The following SETBP1 variants were observed in gnomAD, a reference collection of about 807,000 sequenced individuals.
The protein encoded by SETBP1 is SET binding protein 1.
SETBP1 carries 9 observed loss-of-function variants against 101.0 expected under a neutral mutation model. That is an observed-to-expected ratio of 0.09 (90% CI 0.05 to 0.16). SETBP1 has a LOEUF of 0.16. Ranked by LOEUF, SETBP1 falls within the 10% of genes least tolerant of loss-of-function variation. The pLI is 1.00. For missense variants in SETBP1, 1,858 were observed against 2,033.8 expected (o/e 0.91, Z 1.66); for synonymous variants, 818 against 788.5 (o/e 1.04, Z -0.63).
chr18:44,873,923 G>T (rs532406157), intron 3 of SETBP1, among the ~76,000 whole-genome samples: 64 of 152,248 alleles, frequency 4.2e-4, no homozygotes, highest in African/African-American at 1.5e-3. Flanking sequence ...GCTAATTTCT[G>T]TTGTGTAAAT....
chr18:44,686,285 G>C (rs925487583), intron 1 of SETBP1, among the ~76,000 whole-genome samples: 1 of 152,222 alleles, frequency 6.6e-6, no homozygotes, highest in Non-Finnish European at 1.5e-5. Context: ...CAGTGTTCTC[G>C]AGTGAACCCC....
intron 2 of SETBP1, among the ~76,000 whole-genome samples, chr18:44,789,957 T>C (rs564713500): frequency 1.2e-4 from 18 of 152,320 alleles, no homozygotes; most frequent in African/African-American, 4.3e-4. Flanking sequence ...AGCTGTGTGA[T>C]CCAATTCACT....
At chr18:44,736,389 A>G (rs10502842) in intron 2 of SETBP1, among the ~76,000 whole-genome samples, 46,056 of 152,080 alleles carry the variant, frequency 0.3, 7,124 homozygotes, top group African/African-American at 0.33. Context: ...TGTTTACTTA[A>G]GCTCTGTAGG....
At chr18:44,907,422 A>C (rs575721854) in intron 3 of SETBP1, among the ~76,000 whole-genome samples, 1 of 152,272 alleles carries the variant, frequency 6.6e-6, no homozygotes, top group African/African-American at 2.4e-5. Flanking sequence ...TTTTTGAAAA[A>C]ATTTCCAAAC....
rs369526423 is a variant in SETBP1 at position 45,061,586 on chromosome 18, C to T, written c.4172-1493C>T. ...TTGACCTGGCCTGTGGGACTCAGCTCTTTCCACTCCATGAAGCTGGGGGTG... is the reference window on the plus strand; with the variant it reads ...TTGACCTGGCCTGTGGGACTCAGCTTTTTCCACTCCATGAAGCTGGGGGTG... On this transcript the variant is annotated intron_variant, in intron 5 of 5. Transcript: ENST00000649279. Among the ~76,000 whole-genome samples the T allele has an allele frequency of 2.0e-5, 3 of 152,308 alleles. No individual in the cohort carries two copies. The South Asian group carries it at 6.2e-4, about 32-fold the overall frequency.
intron 3 of SETBP1, among the ~76,000 whole-genome samples, chr18:44,918,340 G>C (rs887451279): frequency 2.6e-5 from 4 of 152,236 alleles, no homozygotes; most frequent in Non-Finnish European, 4.4e-5. Flanking sequence ...CTCAGCTGGA[G>C]TGACCTGGAG....
At chr18:44,915,106 C>T (rs2070396767) in intron 3 of SETBP1, among the ~76,000 whole-genome samples, 1 of 151,988 alleles carries the variant, frequency 6.6e-6, no homozygotes, top group South Asian at 2.1e-4. Context: ...GAAATTTTGC[C>T]TACTGCGTGC....
rs2069899048 is a variant in SETBP1 at position 44,896,212 on chromosome 18, G to A, written c.540+26929G>A. ...AGCACACAATCTTTGAATTGGTATT[G>A]GAAAGTGGCTTGGAGGTCCACTGTT... On this transcript the variant is annotated intron_variant, in intron 3 of 5. Coordinates refer to ENST00000649279, the MANE Select transcript of SETBP1 (RefSeq NM_015559.3). Among the ~76,000 whole-genome samples the A allele has an allele frequency of 1.3e-5, 2 of 152,118 alleles. 1 individual carries two copies. Among genetic ancestry groups the A allele is most frequent in the South Asian group, 4.1e-4 (2 of 4,820 alleles).
chr18:44,728,137 C>T (rs2069756757), intron 2 of SETBP1, among the ~76,000 whole-genome samples: 1 of 152,220 alleles, frequency 6.6e-6, no homozygotes, highest in African/African-American at 2.4e-5. Flanking sequence ...GAATAATGCA[C>T]TTCTACTCCA....
Position 44,951,854 on chromosome 18 carries a change from C to A in SETBP1, c.2514C>A (p.Ser838=). 1.2e-6 allele frequency: 2 copies of A among 1,614,072 alleles called. No individual in the cohort carries two copies. Among genetic ancestry groups the A allele is most frequent in the South Asian group, 2.2e-5 (2 of 91,076 alleles). Reference sequence around the variant, plus strand: ...CTCCACCCAGACTGATGGCCAACTCCCCTTCACACCTGTGCGAGATTGGCT... The same window carrying A: ...CTCCACCCAGACTGATGGCCAACTCACCTTCACACCTGTGCGAGATTGGCT... ...KLSPPRLMAN[S]PSHLCEIGSL... is the part of the protein sequence containing the mutation. Residue 838 remains serine, a synonymous_variant, in exon 4 of 6, where the codon TCC becomes TCA. Transcript: ENST00000649279. The surrounding 1 kb of genome is among the most constrained non-coding windows in gnomAD (Gnocchi z 7.8).
At chr18:44,925,062 G>A (rs2070674562) in intron 3 of SETBP1, among the ~76,000 whole-genome samples, 1 of 141,028 alleles carries the variant, frequency 7.1e-6, no homozygotes, top group East Asian at 2.0e-4. Flanking sequence ...ATTTTCCAGG[G>A]CTCGTTTAAT....
intron 3 of SETBP1, among the ~76,000 whole-genome samples, chr18:44,919,099 C>G (rs2070516037): frequency 6.6e-6 from 1 of 152,232 alleles, no homozygotes; most frequent in Admixed American, 6.5e-5. Flanking sequence ...TAGCCATGTC[C>G]ATTCCATTCT....
intron 2 of SETBP1, among the ~76,000 whole-genome samples, chr18:44,780,580 G>T (rs1200155150): frequency 6.6e-6 from 1 of 152,164 alleles, no homozygotes; most frequent in African/African-American, 2.4e-5. Flanking sequence ...CATTTGAGAT[G>T]CCCATGGACA....
chr18:45,023,519 G>T (rs1568034137), intron 4 of SETBP1, among the ~76,000 whole-genome samples: 1 of 152,194 alleles, frequency 6.6e-6, no homozygotes, highest in Non-Finnish European at 1.5e-5. Context: ...GCACAAAACT[G>T]CTTCCTTATA....
chr18:45,028,064 G>T (rs1464859697), intron 4 of SETBP1, among the ~76,000 whole-genome samples: 1 of 151,918 alleles, frequency 6.6e-6, no homozygotes, highest in African/African-American at 2.4e-5. Flanking sequence ...ACAACGTGCA[G>T]GTTAGTTACG....
chr18:44,701,487 G>A lies in SETBP1; in HGVS notation c.141G>A (p.Gly47=), dbSNP rs146868426. 1.8e-4 allele frequency: 298 copies of A among 1,613,908 alleles called. 3 individuals carry two copies. In the East Asian group the frequency reaches 6.2e-3, roughly 34 times the overall value. ...PLLSTPGPGK[G]IPVGGERMEP... ...TCTCCACTCCAGGACCTGGGAAGGG[G>A]ATCCCGGTGGGCGGAGAGCGCATGG... The change falls in exon 2 of 6, where the codon GGG becomes GGA. Residue 47 remains glycine (G), a synonymous_variant. Coordinates refer to ENST00000649279, the MANE Select transcript of SETBP1 (RefSeq NM_015559.3).
intron 4 of SETBP1, among the ~76,000 whole-genome samples, chr18:45,032,319 AC>A (rs2073313486): frequency 6.6e-6 from 1 of 151,986 alleles, no homozygotes; most frequent in Non-Finnish European, 1.5e-5. Flanking sequence ...TTTCTGTCTT[AC>A]CCCCCTCTCC....
At chr18:44,755,937 C>T (rs535538721) in intron 2 of SETBP1, among the ~76,000 whole-genome samples, 144 of 152,122 alleles carry the variant, frequency 9.5e-4, no homozygotes, top group Non-Finnish European at 1.7e-3. Context: ...CAAAATTGGC[C>T]GGGCGCGGTG....
At chr18:44,855,474 G>C (rs889721178) in intron 2 of SETBP1, among the ~76,000 whole-genome samples, 3 of 152,218 alleles carry the variant, frequency 2.0e-5, no homozygotes, top group Non-Finnish European at 4.4e-5. Context: ...GGGATGCCCT[G>C]TTCCATACAA....
Sources: gnomAD v4.1 joint callset for allele counts (sites outside exome capture counted in the v4.1 genomes callset) on GRCh38, gnomAD v4.1.1 for gene constraint, Gnocchi (gnomAD v3.1) non-coding constraint, MANE v1.5 for transcripts, NCBI Gene and HGNC (gene_info 2026-07-23, HGNC 2026-07-21) for gene names.